NRG1: variants seen among roughly 807,000 people sequenced by gnomAD.
The protein encoded by NRG1 is neuregulin 1.
Under a neutral mutation model 63.8 loss-of-function variants are expected in NRG1, and 18 were observed. That is an observed-to-expected ratio of 0.28 (90% CI 0.19 to 0.42). The LOEUF is 0.42. Ranked by LOEUF, NRG1 falls within the 10% of genes least tolerant of loss-of-function variation. The pLI is 1.00. For missense variants in NRG1, 762 were observed against 814.7 expected, an observed-to-expected ratio of 0.94 and a Z score of 0.79; for synonymous variants, 302 against 301.3, an observed-to-expected ratio of 1.00 and a Z score of -0.02.
intron 1 of NRG1, among the ~76,000 whole-genome samples, chr8:32,280,690 TG>T (rs377212481): frequency 0.021 from 1,550 of 74,526 alleles, 112 homozygotes; most frequent in East Asian, 0.05. Context: ...GTTTTTTTTT[TG>T]TTTTTTTTTT....
At chr8:31,911,264 A>G (rs1327485418) in intron 1 of NRG1, among the ~76,000 whole-genome samples, 4 of 152,238 alleles carry the variant, frequency 2.6e-5, no homozygotes, top group African/African-American at 9.6e-5. Context: ...GAATCATTCT[A>G]TCATAAAGAC....
chr8:31,852,970 A>T (rs1827415708), intron 1 of NRG1, among the ~76,000 whole-genome samples: 1 of 151,846 alleles, frequency 6.6e-6, no homozygotes, highest in East Asian at 1.9e-4. Flanking sequence ...ATTGATCTAT[A>T]TCTCTGTTTT....
intron 1 of NRG1, among the ~76,000 whole-genome samples, chr8:31,865,077 G>A (rs1173529487): frequency 6.6e-6 from 1 of 152,078 alleles, no homozygotes; most frequent in Non-Finnish European, 1.5e-5. Flanking sequence ...CTTTCCTGGG[G>A]CCAAAGCGTT....
intron 1 of NRG1, among the ~76,000 whole-genome samples, chr8:31,974,814 T>C: frequency 6.6e-6 from 1 of 152,202 alleles, no homozygotes; most frequent in African/African-American, 2.4e-5. Flanking sequence ...ATTGGATCTT[T>C]TGTACACATT....
chr8:32,557,627 G>A (rs73587117), intron 1 of NRG1, among the ~76,000 whole-genome samples: 1,618 of 152,260 alleles, frequency 0.011, 35 homozygotes, highest in African/African-American at 0.038. Context: ...AGAAGGATTA[G>A]ATGAAATACA....
intron 1 of NRG1, among the ~76,000 whole-genome samples, chr8:32,439,366 A>T (rs1819214735): frequency 6.6e-6 from 1 of 152,176 alleles, no homozygotes; most frequent in African/African-American, 2.4e-5. Flanking sequence ...TTACATCTAA[A>T]TTTTTATTTG....
At chr8:32,747,662 G>A (rs891550564) in intron 7 of NRG1, among the ~76,000 whole-genome samples, 6 of 150,474 alleles carry the variant, frequency 4.0e-5, no homozygotes, top group African/African-American at 1.5e-4. Context: ...ATTATATATA[G>A]TGCTTCCCAT....
At chr8:32,404,178 C>T (rs1006703973) in intron 1 of NRG1, among the ~76,000 whole-genome samples, 1 of 152,272 alleles carries the variant, frequency 6.6e-6, no homozygotes, top group South Asian at 2.1e-4. Flanking sequence ...CCTGCAGGTG[C>T]TTGACATGCC....
intron 1 of NRG1, among the ~76,000 whole-genome samples, chr8:31,704,403 T>C (rs1426568747): frequency 6.6e-6 from 1 of 152,212 alleles, no homozygotes; most frequent in Non-Finnish European, 1.5e-5. Flanking sequence ...TTAAGGACTA[T>C]TTGTCCTTGT....
At chr8:32,076,479 T>G (rs1826572787) in intron 1 of NRG1, among the ~76,000 whole-genome samples, 1 of 152,234 alleles carries the variant, frequency 6.6e-6, no homozygotes. Context: ...GTTGAGTGTT[T>G]GTATTCATTT....
At chr8:32,084,930 T>C (rs772891546) in intron 1 of NRG1, among the ~76,000 whole-genome samples, 25 of 152,182 alleles carry the variant, frequency 1.6e-4, no homozygotes, top group Non-Finnish European at 3.1e-4. Context: ...AGAAGTATAT[T>C]GGAAAAGTGA....
intron 5 of NRG1, 48 bp downstream of exon 5, chr8:32,616,933 T>C: frequency 7.4e-7 from 1 of 1,349,606 alleles, no homozygotes; most frequent in Non-Finnish European, 1.1e-6. Flanking sequence ...CCCAAGGCAC[T>C]ATCTGCTTTG....
In NRG1 at chr8:32,204,007, T is replaced by C. The variant is rs1297470039; in HGVS notation, c.38-391821T>C. Among the ~76,000 whole-genome samples, 6 of 152,186 alleles carry C rather than the reference T, an allele frequency of 3.9e-5. No homozygotes were observed. The South Asian group carries it at 1.0e-3, about 26-fold the overall frequency. ...CAGATTATTGAGAATGAAATATCTT[T>C]AGTAAAGATTTGAAGGAGTTGAGTA... On this transcript the variant is annotated intron_variant, in intron 1 of 10. Coordinates refer to the NRG1 transcript ENST00000519301.
chr8:32,300,663 A>G (rs1208783521), intron 1 of NRG1, among the ~76,000 whole-genome samples: 1 of 152,244 alleles, frequency 6.6e-6, no homozygotes. Context: ...GTTTTCTGAA[A>G]ATAGTCATTT....
chr8:32,235,840 T>C (rs1350138567), intron 1 of NRG1, among the ~76,000 whole-genome samples: 1 of 151,986 alleles, frequency 6.6e-6, no homozygotes, highest in Admixed American at 6.6e-5. Flanking sequence ...GGATTAGTGA[T>C]TCTCAAAAGG....
chr8:32,632,000 G>T (rs1053157804), intron 5 of NRG1, among the ~76,000 whole-genome samples: 1 of 152,108 alleles, frequency 6.6e-6, no homozygotes, highest in Admixed American at 6.5e-5. Context: ...TAATGAAAAA[G>T]GTAAATGCTG....
chr8:32,489,870 A>T (rs1456462866), intron 1 of NRG1, among the ~76,000 whole-genome samples: 2 of 151,698 alleles, frequency 1.3e-5, no homozygotes, highest in Non-Finnish European at 2.9e-5. Flanking sequence ...TGATTGAAAG[A>T]CTCCTCGGTC....
rs16879713 is a variant in NRG1 at position 32,668,389 on chromosome 8, C to A, written c.502+51504C>A. Among the ~76,000 whole-genome samples the A allele has an allele frequency of 7.6e-3, 1,164 of 152,218 alleles. 6 individuals carry two copies. Among genetic ancestry groups the A allele is most frequent in the Middle Eastern group, 0.024 (7 of 294 alleles). ...CATGGAAGTAACCTAGTTTCTATCA[C>A]TAGTGGGTCTCAGTCAGAAAAATAT... is the stretch of plus-strand genomic sequence containing the variant. On this transcript the variant is annotated intron_variant, in intron 5 of 11. Coordinates refer to ENST00000356819, the Ensembl canonical transcript of NRG1.
intron 1 of NRG1, among the ~76,000 whole-genome samples, chr8:32,189,023 A>G (rs538085339): frequency 4.6e-5 from 7 of 152,286 alleles, no homozygotes; most frequent in African/African-American, 1.7e-4. Flanking sequence ...TCCAAAAAGT[A>G]ATGCAACCCT....
Sources: allele counts gnomAD v4.1 joint callset (sites outside exome capture counted in the v4.1 genomes callset), GRCh38; gene constraint gnomAD v4.1.1; transcripts MANE v1.5; gene names NCBI Gene and HGNC (gene_info 2026-07-23, HGNC 2026-07-21).